Variants in UBE2R2 observed in about 807,000 individuals in gnomAD.
UBE2R2 encodes ubiquitin-conjugating enzyme E2 R2.
UBE2R2 carries 1 observed loss-of-function variant against 27.8 expected under a neutral mutation model. The ratio of observed to expected loss-of-function variants is 0.04; its 90% CI spans 0.01 to 0.17. The LOEUF is 0.17. Ranked by LOEUF, UBE2R2 falls within the 10% of genes least tolerant of loss-of-function variation. UBE2R2 has a pLI of 1.00. For missense variants in UBE2R2, 100 were observed against 291.0 expected, an observed-to-expected ratio of 0.34 and a Z score of 4.78; for synonymous variants, 106 against 113.3, an observed-to-expected ratio of 0.94 and a Z score of 0.41.
chr9:33,837,177 T>C (rs1360005107), intron 1 of UBE2R2, among the ~76,000 whole-genome samples: 1 of 152,190 alleles, frequency 6.6e-6, no homozygotes, highest in African/African-American at 2.4e-5. Context: ...TATAGAACAG[T>C]CTGAATTAAT....
intron 2 of UBE2R2, among the ~76,000 whole-genome samples, chr9:33,888,811 C>T (rs1232734973): frequency 6.6e-6 from 1 of 152,182 alleles, no homozygotes. Context: ...CCACCATGCC[C>T]GGCCACCTTT....
chr9:33,859,853 TGCAGTG>T (rs1165570332), intron 1 of UBE2R2, among the ~76,000 whole-genome samples: 16 of 147,524 alleles, frequency 1.1e-4, no homozygotes, highest in Admixed American at 2.1e-4. Flanking sequence ...CAGGCTGGAG[TGCAGTG>T]GCAGTGGTGC....
At chr9:33,845,559 CA>C (rs938262834) in intron 1 of UBE2R2, among the ~76,000 whole-genome samples, 1 of 151,980 alleles carries the variant, frequency 6.6e-6, no homozygotes, top group Non-Finnish European at 1.5e-5. Context: ...GGCCTGGATA[CA>C]TTTCTTTGAC....
chr9:33,869,727 G>C (rs777940238), intron 1 of UBE2R2, among the ~76,000 whole-genome samples: 43 of 152,242 alleles, frequency 2.8e-4, no homozygotes, highest in Middle Eastern at 3.4e-3. Context: ...TGGGATTACA[G>C]GTGTGAGCCA....
In UBE2R2 at chr9:33,827,668, A is replaced by G. The variant is rs59747303; in HGVS notation, c.177+9734A>G. 3.5e-3 allele frequency among the ~76,000 whole-genome samples: 526 copies of G among 151,926 alleles called. 7 individuals are homozygous for G. Among genetic ancestry groups the G allele is most frequent in the African/African-American group, 0.012 (494 of 41,442 alleles). On this transcript the variant is annotated intron_variant, in intron 1 of 4. Coordinates refer to ENST00000263228, the MANE Select transcript of UBE2R2 (RefSeq NM_017811.4). ...AAAAAAAAATTAATTAATTAATAAA[A>G]TTAAATTAAAAATTAAATCAGGCTC...
chr9:33,912,068 G>A lies in UBE2R2; in HGVS notation c.467G>A (p.Gly156Glu). The A allele has an allele frequency of 6.2e-7, 1 of 1,611,890 alleles. No homozygotes were observed. The highest frequency in any genetic ancestry group is 1.7e-5 in the Admixed American group (1 of 59,896). ...TTCAGGAAATGGAGAGACAGTAAAG[G>A]AAAAGACAAAGAATATGCTGAAATT... Reference protein sequence around the residue: ...VMFRKWRDSKGKDKEYAEIIR... With the variant: ...VMFRKWRDSKEKDKEYAEIIR... Residue 156 changes from glycine (G) to glutamate (E), a missense_variant, in exon 4 of 5, where the codon GGA becomes GAA. This residue lies in a region of UBE2R2 where 55 missense variants were observed against 122.6 expected (regional missense o/e 0.45). Transcript: ENST00000263228.
chr9:33,847,431 G>C (rs1820870483), intron 1 of UBE2R2, among the ~76,000 whole-genome samples: 1 of 151,960 alleles, frequency 6.6e-6, no homozygotes, highest in Non-Finnish European at 1.5e-5. Context: ...TGCTATTATT[G>C]CTGCATTTAA....
At chr9:33,879,629 T>A (rs552764701) in intron 1 of UBE2R2, among the ~76,000 whole-genome samples, 18 of 152,008 alleles carry the variant, frequency 1.2e-4, no homozygotes, top group Non-Finnish European at 2.6e-4. Flanking sequence ...ATTTTTGTAT[T>A]TTTTGTAGAG....
chr9:33,868,175 G>T (rs1254997567), intron 1 of UBE2R2, among the ~76,000 whole-genome samples: 1 of 152,146 alleles, frequency 6.6e-6, no homozygotes, highest in African/African-American at 2.4e-5. Context: ...TCTGAAGATA[G>T]CCGAATTTTT....
chr9:33,826,293 T>C (rs894201936), intron 1 of UBE2R2, among the ~76,000 whole-genome samples: 1 of 152,180 alleles, frequency 6.6e-6, no homozygotes, highest in Non-Finnish European at 1.5e-5. Flanking sequence ...GTGAATGGAA[T>C]GATAGATACT....
chr9:33,832,608 G>A (rs1473966477), intron 1 of UBE2R2, among the ~76,000 whole-genome samples: 5 of 150,664 alleles, frequency 3.3e-5, no homozygotes, highest in South Asian at 2.1e-4. Context: ...GGTGAGAGCC[G>A]AGATTGTGCC....
intron 1 of UBE2R2, among the ~76,000 whole-genome samples, chr9:33,871,544 T>C (rs1330974200): frequency 6.6e-6 from 1 of 152,176 alleles, no homozygotes; most frequent in African/African-American, 2.4e-5. Context: ...GTTCTTTTTA[T>C]TTATTTATTT....
intron 4 of UBE2R2, among the ~76,000 whole-genome samples, chr9:33,914,624 C>T (rs963621812): frequency 3.9e-5 from 6 of 152,090 alleles, no homozygotes; most frequent in East Asian, 3.9e-4. Flanking sequence ...GTCAAGAGTT[C>T]GAGACCAACC....
intron 1 of UBE2R2, among the ~76,000 whole-genome samples, chr9:33,834,168 T>A (rs1475490837): frequency 6.6e-6 from 1 of 151,818 alleles, no homozygotes; most frequent in Non-Finnish European, 1.5e-5. Flanking sequence ...GTTGTTTAGG[T>A]GTAGTGACGG....
At chr9:33,907,873 G>T (rs571687171) in intron 3 of UBE2R2, among the ~76,000 whole-genome samples, 1 of 151,934 alleles carries the variant, frequency 6.6e-6, no homozygotes, top group Non-Finnish European at 1.5e-5. Flanking sequence ...TTGTTGCCCA[G>T]GCTGGAGTGC....
In UBE2R2 at chr9:33,817,242, CCCGCCGCCA is replaced by C. The variant is rs1182499888; in HGVS notation, c.-508_-500del. ...CCGTCGCCCCTCCCCCCGCGCAGCC[CCCGCCGCCA>C]CCGCCGCGAGACCCCCGCACGCCGC... On this transcript the variant is annotated 5_prime_UTR_variant, in exon 1 of 5. Coordinates refer to ENST00000263228, the MANE Select transcript of UBE2R2 (RefSeq NM_017811.4). Among the ~76,000 whole-genome samples the C allele has an allele frequency of 6.7e-6, 1 of 149,738 alleles. No individual in the cohort carries two copies. Among genetic ancestry groups the C allele is most frequent in the Non-Finnish European group, 1.5e-5 (1 of 67,008 alleles).
chr9:33,908,333 G>C (rs1822409227), intron 3 of UBE2R2, among the ~76,000 whole-genome samples: 1 of 152,126 alleles, frequency 6.6e-6, no homozygotes, highest in Non-Finnish European at 1.5e-5. Flanking sequence ...ATCCTCAAAT[G>C]CATCGCCATA....
chr9:33,904,786 C>T (rs1206209653), intron 3 of UBE2R2, among the ~76,000 whole-genome samples: 1 of 152,160 alleles, frequency 6.6e-6, no homozygotes, highest in Non-Finnish European at 1.5e-5. Context: ...CCTCCTCCTC[C>T]CAGAGGCCCA....
chr9:33,858,952 A>G (rs1042413945), intron 1 of UBE2R2, among the ~76,000 whole-genome samples: 13 of 151,810 alleles, frequency 8.6e-5, no homozygotes, highest in African/African-American at 3.1e-4. Flanking sequence ...CAGCCTCCCA[A>G]GTAGCTGGGA....
Sources: gnomAD v4.1 joint callset for allele counts (sites outside exome capture counted in the v4.1 genomes callset) on GRCh38, gnomAD v4.1.1 for gene constraint, gnomAD v4.1.1 regional missense constraint, MANE v1.5 for transcripts, NCBI Gene and HGNC (gene_info 2026-07-23, HGNC 2026-07-21) for gene names.